Variants in APBA1 observed in about 807,000 individuals in gnomAD.
The protein encoded by APBA1 is amyloid beta precursor protein binding family A member 1, also known as amyloid-beta A4 precursor protein-binding family A member 1.
A neutral mutation model predicts 86.6 loss-of-function variants in APBA1; 55 were observed. The observed-to-expected ratio is 0.64, with a 90% CI of 0.51 to 0.80. The LOEUF is 0.80. APBA1 is among the 30% of genes least tolerant of loss of function. APBA1 has a pLI of 0.00. For missense variants in APBA1, 1,090 were observed against 1,183.0 expected (o/e 0.92, Z 1.15); for synonymous variants, 511 against 493.9 (o/e 1.03, Z -0.46).
chr9:69,638,804 T>C (rs188568339), intron 1 of APBA1, among the ~76,000 whole-genome samples: 151 of 152,248 alleles, frequency 9.9e-4, no homozygotes, highest in African/African-American at 3.1e-3. Context: ...ATTCAGAAGA[T>C]TGATGGAAAA....
chr9:69,590,625 C>T (rs148276065), intron 1 of APBA1, among the ~76,000 whole-genome samples: 15 of 152,298 alleles, frequency 9.8e-5, no homozygotes, highest in East Asian at 9.6e-4. Context: ...CCTCCCCAAA[C>T]GATCTCAAAA....
At chr9:69,501,074 C>T (rs537590388) in intron 2 of APBA1, among the ~76,000 whole-genome samples, 1 of 151,972 alleles carries the variant, frequency 6.6e-6, no homozygotes, top group Non-Finnish European at 1.5e-5. Context: ...TGGTGTCCCA[C>T]GGGTAGGGTC....
chr9:69,469,427 G>A (rs1030885485), intron 4 of APBA1, among the ~76,000 whole-genome samples: 18 of 152,182 alleles, frequency 1.2e-4, no homozygotes, highest in Non-Finnish European at 2.1e-4. Flanking sequence ...AACTAAGGTG[G>A]TGCTTGAAAC....
chr9:69,485,617 G>A (rs1414311971), intron 2 of APBA1, among the ~76,000 whole-genome samples: 1 of 152,020 alleles, frequency 6.6e-6, no homozygotes, highest in Non-Finnish European at 1.5e-5. Flanking sequence ...GCAAATGCAG[G>A]GTCAGGAGTT....
chr9:69,443,995 C>T (rs1834867336), intron 10 of APBA1, among the ~76,000 whole-genome samples: 2 of 152,052 alleles, frequency 1.3e-5, no homozygotes, highest in Non-Finnish European at 2.9e-5. Context: ...TAATCCCCCA[C>T]CCCCTGGCTT....
chr9:69,515,339 A>T (rs1836119348), intron 2 of APBA1, among the ~76,000 whole-genome samples: 1 of 152,044 alleles, frequency 6.6e-6, no homozygotes, highest in Non-Finnish European at 1.5e-5. Flanking sequence ...CCAGCATACA[A>T]CCACTCCTGA....
chr9:69,446,113 GGGTA>G (rs1270428978), intron 10 of APBA1, among the ~76,000 whole-genome samples: 1 of 152,180 alleles, frequency 6.6e-6, no homozygotes, highest in African/African-American at 2.4e-5. Context: ...CGAGGGGTGG[GGGTA>G]GGGCAGTGTG....
At chr9:69,538,819 C>T (rs545814369) in intron 1 of APBA1, among the ~76,000 whole-genome samples, 1 of 152,170 alleles carries the variant, frequency 6.6e-6, no homozygotes, top group African/African-American at 2.4e-5. Flanking sequence ...TGGACTGTCC[C>T]TTGATTTCTT....
At chr9:69,576,487 A>C (rs867067147) in intron 1 of APBA1, among the ~76,000 whole-genome samples, 1 of 152,262 alleles carries the variant, frequency 6.6e-6, no homozygotes, top group Non-Finnish European at 1.5e-5. Context: ...CTGGATTAAG[A>C]AAATGTGGCA....
intron 2 of APBA1, among the ~76,000 whole-genome samples, chr9:69,488,013 A>G (rs74810494): frequency 0.043 from 6,485 of 152,248 alleles, 493 homozygotes; most frequent in African/African-American, 0.15. Context: ...ATAGATGGAT[A>G]GTAGAACTGC....
At chr9:69,476,509 T>C (rs1463071956) in intron 2 of APBA1, among the ~76,000 whole-genome samples, 2 of 152,190 alleles carry the variant, frequency 1.3e-5, no homozygotes, top group African/African-American at 2.4e-5. Context: ...AAGCCAAATA[T>C]TTAGGGTACC....
Position 69,515,698 on chromosome 9 carries a change from GGGGGGGC to G in APBA1, c.1200+306_1200+312del, listed in dbSNP as rs1231727885. ...CTTTCTGAATCAGAAACTGGGGGGGGGGGGGGCGGGGGGTGGAGGGCGATGTACCCAA... is the reference window on the plus strand; with the variant it reads ...CTTTCTGAATCAGAAACTGGGGGGGGGGGGGGTGGAGGGCGATGTACCCAA... On this transcript the variant is annotated intron_variant, in intron 2 of 12. Transcript: ENST00000265381. Among the ~76,000 whole-genome samples the G allele has an allele frequency of 2.8e-3, 335 of 121,340 alleles. 9 individuals carry two copies. The highest frequency in any genetic ancestry group is 0.013 in the South Asian group (49 of 3,800). 79.6% of individuals were successfully genotyped at this position (121,340 alleles called of 152,430 possible).
chr9:69,514,584 T>C (rs1457694337), intron 2 of APBA1, among the ~76,000 whole-genome samples: 1 of 149,832 alleles, frequency 6.7e-6, no homozygotes, highest in Non-Finnish European at 1.5e-5. Flanking sequence ...AGTGAAATTC[T>C]GTCTCAAAAA....
intron 1 of APBA1, among the ~76,000 whole-genome samples, chr9:69,569,600 C>A (rs1401562684): frequency 2.0e-5 from 3 of 151,854 alleles, no homozygotes; most frequent in Non-Finnish European, 2.9e-5. Flanking sequence ...ACTGAGAAAC[C>A]CTCAAAAAAA....
At chr9:69,581,688 A>C (rs1172700399) in intron 1 of APBA1, among the ~76,000 whole-genome samples, 1 of 152,220 alleles carries the variant, frequency 6.6e-6, no homozygotes, top group African/African-American at 2.4e-5. Flanking sequence ...CCTAGGGAAT[A>C]AGCGGGGCAT....
intron 1 of APBA1, among the ~76,000 whole-genome samples, chr9:69,520,238 C>G (rs774680135): frequency 2.0e-5 from 3 of 152,192 alleles, no homozygotes; most frequent in Non-Finnish European, 4.4e-5. Flanking sequence ...GAGGACTGTT[C>G]TCCATACGCT....
intron 2 of APBA1, among the ~76,000 whole-genome samples, chr9:69,512,056 T>G (rs915232031): frequency 2.2e-4 from 33 of 149,238 alleles, no homozygotes; most frequent in African/African-American, 8.2e-4. Flanking sequence ...ACATGTACCC[T>G]AAAACTTAAA....
At chr9:69,590,435 G>T (rs914286582) in intron 1 of APBA1, among the ~76,000 whole-genome samples, 5 of 152,284 alleles carry the variant, frequency 3.3e-5, no homozygotes, top group African/African-American at 9.6e-5. Flanking sequence ...CCCTCCCTGG[G>T]TCTATTTGTT....
rs777806271 is a variant in APBA1 at position 69,455,975 on chromosome 9, CCT to C, written c.1788+270_1788+271del. ...TGACATAGCCCCTGTCCCTCCATCC[CCT>C]GACCCTGTTTTATTTGTCTGTGGAG... On this transcript the variant is annotated intron_variant, in intron 8 of 12. Coordinates refer to ENST00000265381, the MANE Select transcript of APBA1 (RefSeq NM_001163.4). Among the ~76,000 whole-genome samples the C allele has an allele frequency of 1.4e-3, 210 of 152,274 alleles. 2 individuals are homozygous for C. Among genetic ancestry groups the C allele is most frequent in the Admixed American group, 3.7e-3 (56 of 15,292 alleles).
Sources: allele counts gnomAD v4.1 joint callset (sites outside exome capture counted in the v4.1 genomes callset), GRCh38; gene constraint gnomAD v4.1.1; transcripts MANE v1.5; gene names NCBI Gene and HGNC (gene_info 2026-07-23, HGNC 2026-07-21).